TMEM117: variants seen among roughly 807,000 people sequenced by gnomAD.
The protein encoded by TMEM117 is transmembrane protein 117.
In TMEM117, 27 loss-of-function variants were observed where a neutral mutation model predicts 52.4. That is an observed-to-expected ratio of 0.51 (90% CI 0.38 to 0.71). The LOEUF is 0.71. Ranked by LOEUF, TMEM117 falls within the 30% of genes least tolerant of loss-of-function variation. The pLI, the probability that TMEM117 is intolerant of heterozygous loss-of-function variation, is 0.00. For synonymous variants in TMEM117, 215 were observed against 206.3 expected, an observed-to-expected ratio of 1.04 and a Z score of -0.36; for missense variants, 556 against 630.5, an observed-to-expected ratio of 0.88 and a Z score of 1.26.
intron 3 of TMEM117, chr12:44,073,917 T>A (rs775941024): frequency 8.5e-5 from 13 of 152,180 alleles, no homozygotes; most frequent in Admixed American, 2.0e-4. Flanking sequence ...GGGAATGTGG[T>A]TCTTAATGAT....
At chr12:44,041,142 A>G (rs1051191844) in intron 3 of TMEM117, among the ~76,000 whole-genome samples, 2 of 151,858 alleles carry the variant, frequency 1.3e-5, no homozygotes, top group Non-Finnish European at 2.9e-5. Context: ...TGTGCACAAC[A>G]TGCAGGTTTG....
intron 3 of TMEM117, among the ~76,000 whole-genome samples, chr12:43,967,946 A>T (rs1404689346): frequency 1.3e-5 from 2 of 152,224 alleles, no homozygotes; most frequent in Non-Finnish European, 2.9e-5. Context: ...TGTGAAGGAT[A>T]AGAGTTTTTC....
chr12:44,140,697 G>T (rs1315180977), intron 3 of TMEM117, among the ~76,000 whole-genome samples: 1 of 152,038 alleles, frequency 6.6e-6, no homozygotes, highest in Non-Finnish European at 1.5e-5. Context: ...TCATCAAATG[G>T]CCTGGGTAAG....
intron 4 of TMEM117, among the ~76,000 whole-genome samples, chr12:44,161,808 TA>T (rs148715139): frequency 0.011 from 1,748 of 152,274 alleles, 22 homozygotes; most frequent in South Asian, 0.052. Flanking sequence ...GCAAATTAAT[TA>T]ATTAATTAAT....
intron 5 of TMEM117, among the ~76,000 whole-genome samples, chr12:44,292,802 A>G (rs140355871): frequency 2.0e-4 from 31 of 152,102 alleles, no homozygotes; most frequent in African/African-American, 7.0e-4. Context: ...CTGGTTTCAT[A>G]CTATTGTGGT....
intron 3 of TMEM117, among the ~76,000 whole-genome samples, chr12:43,982,106 A>G (rs1945770211): frequency 6.6e-6 from 1 of 152,234 alleles, no homozygotes; most frequent in South Asian, 2.1e-4. Context: ...GTATCAAAAC[A>G]CTAAATTGTA....
At chr12:44,092,150 G>C (rs1348734832) in intron 3 of TMEM117, among the ~76,000 whole-genome samples, 1 of 152,212 alleles carries the variant, frequency 6.6e-6, no homozygotes, top group Non-Finnish European at 1.5e-5. Context: ...ATATGTATCA[G>C]CTGCATCTCT....
At chr12:44,161,579 A>G (rs1370349394) in intron 4 of TMEM117, among the ~76,000 whole-genome samples, 1 of 152,216 alleles carries the variant, frequency 6.6e-6, no homozygotes, top group Admixed American at 6.5e-5. Context: ...GTAAATGCAT[A>G]TGTGTGTGTG....
chr12:44,206,631 C>T (rs548518578), intron 4 of TMEM117, among the ~76,000 whole-genome samples: 2 of 152,080 alleles, frequency 1.3e-5, no homozygotes, highest in Non-Finnish European at 2.9e-5. Context: ...ACTATGCAGC[C>T]ATAAAAAATA....
At chr12:43,840,872 A>G (rs1418532432) in intron 1 of TMEM117, among the ~76,000 whole-genome samples, 1 of 151,942 alleles carries the variant, frequency 6.6e-6, no homozygotes, top group African/African-American at 2.4e-5. Flanking sequence ...TCAAGCCTGC[A>G]TTTAAATTAA....
At chr12:44,181,968 G>T (rs1450670551) in intron 4 of TMEM117, among the ~76,000 whole-genome samples, 1 of 152,074 alleles carries the variant, frequency 6.6e-6, no homozygotes, top group African/African-American at 2.4e-5. Flanking sequence ...TCATGATATT[G>T]ATTCTTCCTA....
chr12:43,955,877 T>G (rs1043752720), intron 3 of TMEM117, among the ~76,000 whole-genome samples: 4 of 152,160 alleles, frequency 2.6e-5, no homozygotes, highest in African/African-American at 9.7e-5. Flanking sequence ...TATCATGCTA[T>G]GATGCCTTTA....
intron 5 of TMEM117, among the ~76,000 whole-genome samples, chr12:44,218,325 T>C (rs888546795): frequency 2.0e-5 from 3 of 152,130 alleles, no homozygotes; most frequent in Admixed American, 2.0e-4. Flanking sequence ...ATAAGGGTGA[T>C]TCAACATCTG....
At chr12:44,106,580 G>A (rs2138092050) in intron 3 of TMEM117, among the ~76,000 whole-genome samples, 1 of 151,936 alleles carries the variant, frequency 6.6e-6, no homozygotes, top group African/African-American at 2.4e-5. Flanking sequence ...CATAGTAACT[G>A]TATTTAACAA....
intron 5 of TMEM117, among the ~76,000 whole-genome samples, 183 bp downstream of exon 5, chr12:44,211,570 A>G (rs1198057019): frequency 3.9e-5 from 6 of 152,186 alleles, no homozygotes; most frequent in Non-Finnish European, 7.4e-5. Context: ...CATATTGTGT[A>G]TATTCACATT....
At chr12:43,946,406 T>TTTTTTA (rs147787124) in intron 3 of TMEM117, among the ~76,000 whole-genome samples, 4 of 131,840 alleles carry the variant, frequency 3.0e-5, no homozygotes, top group African/African-American at 1.1e-4. Context: ...TTTGTTTTTT[T>TTTTTTA]ATCTAGAGCT....
At chr12:44,146,595 G>A (rs1303451341) in intron 4 of TMEM117, among the ~76,000 whole-genome samples, 1 of 152,160 alleles carries the variant, frequency 6.6e-6, no homozygotes, top group African/African-American at 2.4e-5. Context: ...GATTCCCAGA[G>A]CACATCATTT....
At chr12:43,875,220 AGT>A (rs63614060) in intron 2 of TMEM117, among the ~76,000 whole-genome samples, 29,248 of 148,030 alleles carry the variant, frequency 0.2, 2,894 homozygotes, top group East Asian at 0.3. Context: ...ATGGTGGGGA[AGT>A]GTGTGTGTGT....
Position 44,313,369 on chromosome 12 carries a change from C to A in TMEM117, c.768+13630C>A, listed in dbSNP as rs147907662. Among the ~76,000 whole-genome samples, 4 of 152,260 alleles carry A rather than the reference C, an allele frequency of 2.6e-5. No homozygotes were observed. The East Asian group carries it at 7.7e-4, about 29-fold the overall frequency. On this transcript the variant is annotated intron_variant, in intron 6 of 7. Transcript: ENST00000266534. ...AGCACCATTTATTACATATGGAGTTCTTTCCTTATTGCTTATTTTTGTTGA... is the reference window on the plus strand; with the variant it reads ...AGCACCATTTATTACATATGGAGTTATTTCCTTATTGCTTATTTTTGTTGA...
Sources: allele counts gnomAD v4.1 joint callset (sites outside exome capture counted in the v4.1 genomes callset), GRCh38; gene constraint gnomAD v4.1.1; transcripts MANE v1.5; gene names NCBI Gene and HGNC (gene_info 2026-07-23, HGNC 2026-07-21).